Variants in FANCL observed in about 807,000 individuals in gnomAD.
FANCL encodes the protein E3 ubiquitin-protein ligase FANCL.
Under a neutral mutation model 59.4 loss-of-function variants are expected in FANCL, and 69 were observed. The observed-to-expected ratio is 1.16, with a 90% CI of 0.96 to 1.42. The LOEUF is 1.42. FANCL is among the 40% of genes most tolerant of loss of function. The probability of loss-of-function intolerance (pLI) is 0.00; values close to 1 mark genes in which losing one functional copy is unlikely to be tolerated. For synonymous variants in FANCL, 180 were observed against 147.1 expected (o/e 1.22, Z -1.62); for missense variants, 519 against 447.2 (o/e 1.16, Z -1.45).
chr2:58,196,521 C>A (rs763566148), intron 7 of FANCL, among the ~76,000 whole-genome samples: 1 of 151,714 alleles, frequency 6.6e-6, no homozygotes, highest in Non-Finnish European at 1.5e-5. Flanking sequence ...CCCAATTAAA[C>A]CTGAAACTTA....
At chr2:58,213,947 G>A (rs1372249184) in intron 5 of FANCL, among the ~76,000 whole-genome samples, 5 of 152,138 alleles carry the variant, frequency 3.3e-5, no homozygotes, top group Non-Finnish European at 7.3e-5. Flanking sequence ...CCATATCGGA[G>A]CTGCCCTATG....
intron 4 of FANCL, among the ~76,000 whole-genome samples, chr2:58,224,671 T>C (rs980235132): frequency 6.6e-6 from 1 of 151,868 alleles, no homozygotes; most frequent in African/African-American, 2.4e-5. Flanking sequence ...GTTAGCAATA[T>C]TAGTATTGTA....
At chr2:58,178,571 G>A (rs1029237605) in intron 7 of FANCL, among the ~76,000 whole-genome samples, 1 of 152,116 alleles carries the variant, frequency 6.6e-6, no homozygotes, top group Non-Finnish European at 1.5e-5. Context: ...AGGTGTTGAT[G>A]GAACATATCT....
At chr2:58,168,056 A>G (rs1686137007) in intron 7 of FANCL, among the ~76,000 whole-genome samples, 1 of 152,230 alleles carries the variant, frequency 6.6e-6, no homozygotes, top group South Asian at 2.1e-4. Flanking sequence ...AAGAAATAAT[A>G]TGGCCAAAAT....
At chr2:58,236,473 AACAC>A (rs1553458510) in intron 1 of FANCL, among the ~76,000 whole-genome samples, 1 of 151,444 alleles carries the variant, frequency 6.6e-6, no homozygotes, top group African/African-American at 2.4e-5. Flanking sequence ...TTAAAAAAAA[AACAC>A]ACACACACAC....
intron 7 of FANCL, among the ~76,000 whole-genome samples, chr2:58,190,242 C>G (rs558759579): frequency 4.6e-5 from 7 of 151,906 alleles, no homozygotes; most frequent in Non-Finnish European, 1.0e-4. Context: ...GATCACTGAT[C>G]ACCCATCATT....
intron 7 of FANCL, among the ~76,000 whole-genome samples, chr2:58,185,905 G>T (rs57649910): frequency 1.1e-3 from 164 of 152,166 alleles, no homozygotes; most frequent in Middle Eastern, 3.4e-3. Context: ...GTACACTTAG[G>T]TCTAAACATT....
chr2:58,210,127 C>G (rs1183626916), intron 5 of FANCL, among the ~76,000 whole-genome samples: 1 of 152,158 alleles, frequency 6.6e-6, no homozygotes, highest in African/African-American at 2.4e-5. Flanking sequence ...TATCTAGGAA[C>G]ATATGATTAT....
chr2:58,231,763 C>T (rs998094291), intron 2 of FANCL, among the ~76,000 whole-genome samples: 2 of 152,160 alleles, frequency 1.3e-5, no homozygotes, highest in Non-Finnish European at 2.9e-5. Flanking sequence ...TCCTTTTGTT[C>T]TCCCTTTATA....
intron 9 of FANCL, 77 bp from the exon 10 acceptor site, chr2:58,163,151 TTTC>T: frequency 1.6e-6 from 2 of 1,246,432 alleles, no homozygotes; most frequent in Non-Finnish European, 2.3e-6. Flanking sequence ...ATACAGAATG[TTTC>T]TTAACTACTT....
In FANCL at chr2:58,159,334, G is replaced by GTATT. The variant is rs1684674024; in HGVS notation, c.*427_*430dup. On this transcript the variant is annotated 3_prime_UTR_variant, in exon 14 of 14. Transcript: ENST00000233741. ...ACGTCTAACAAACTAAACTATATAT[G>GTATT]TATTTTTTCCATAGGAAAGCACAAG... 6.4e-7 allele frequency: 1 copy of GTATT among 1,574,564 alleles called. No homozygotes were observed. Among genetic ancestry groups the GTATT allele is most frequent in the African/African-American group, 1.4e-5 (1 of 72,958 alleles).
intron 7 of FANCL, among the ~76,000 whole-genome samples, chr2:58,168,931 G>C (rs950119580): frequency 1.3e-5 from 2 of 152,190 alleles, no homozygotes; most frequent in Non-Finnish European, 2.9e-5. Context: ...ACCTCTGAAA[G>C]AACAGCAGCA....
intron 7 of FANCL, among the ~76,000 whole-genome samples, chr2:58,167,409 T>G (rs1212604903): frequency 1.3e-5 from 2 of 151,964 alleles, no homozygotes; most frequent in African/African-American, 4.8e-5. Flanking sequence ...TATCTCTGTT[T>G]CTCCTTTCTC....
chr2:58,192,131 A>T (rs1688984278), intron 7 of FANCL, among the ~76,000 whole-genome samples: 1 of 151,892 alleles, frequency 6.6e-6, no homozygotes. Context: ...GCATTTGATT[A>T]AAAAAACCTG....
intron 7 of FANCL, among the ~76,000 whole-genome samples, chr2:58,173,457 C>T (rs1041395069): frequency 6.6e-6 from 1 of 152,120 alleles, no homozygotes; most frequent in Non-Finnish European, 1.5e-5. Context: ...ACTCTACAAG[C>T]CAGAAGAGAG....
intron 1 of FANCL, among the ~76,000 whole-genome samples, chr2:58,236,301 GAAA>G: frequency 6.6e-6 from 1 of 151,944 alleles, no homozygotes; most frequent in South Asian, 2.1e-4. Flanking sequence ...ATTTCTCGTA[GAAA>G]ACAGTGCAAG....
intron 7 of FANCL, among the ~76,000 whole-genome samples, chr2:58,178,667 A>G (rs913730281): frequency 2.0e-5 from 3 of 152,072 alleles, no homozygotes; most frequent in African/African-American, 7.2e-5. Flanking sequence ...TTTGCAAACC[A>G]GCACAAGACA....
chr2:58,188,283 A>G (rs1364002026), intron 7 of FANCL, among the ~76,000 whole-genome samples: 1 of 152,176 alleles, frequency 6.6e-6, no homozygotes, highest in Non-Finnish European at 1.5e-5. Flanking sequence ...TGAAAATACC[A>G]TATTATCCTG....
chr2:58,221,106 G>A (rs62140049), intron 5 of FANCL, among the ~76,000 whole-genome samples: 6,376 of 151,980 alleles, frequency 0.042, 160 homozygotes, highest in East Asian at 0.095. Context: ...CCAGCTACTC[G>A]GGAGGCTGAG....
Sources: allele counts gnomAD v4.1 joint callset (sites outside exome capture counted in the v4.1 genomes callset), GRCh38; gene constraint gnomAD v4.1.1; transcripts MANE v1.5; gene names NCBI Gene and HGNC (gene_info 2026-07-23, HGNC 2026-07-21).